EDIL3: variants seen among roughly 807,000 people sequenced by gnomAD.
The protein encoded by EDIL3 is EGF-like repeat and discoidin I-like domain-containing protein 3.
A neutral mutation model predicts 67.4 loss-of-function variants in EDIL3; 37 were observed. The observed-to-expected ratio is 0.55, with a 90% CI of 0.42 to 0.72. EDIL3 has a LOEUF of 0.72. Ranked by LOEUF, EDIL3 falls within the 30% of genes least tolerant of loss-of-function variation. EDIL3 has a pLI of 0.00. For synonymous variants in EDIL3, 195 were observed against 196.3 expected (o/e 0.99, Z 0.05); for missense variants, 527 against 586.3 (o/e 0.90, Z 1.04).
chr5:84,340,321 G>C (rs1747074694), intron 1 of EDIL3, among the ~76,000 whole-genome samples: 1 of 151,576 alleles, frequency 6.6e-6, no homozygotes, highest in Non-Finnish European at 1.5e-5. Context: ...CTGCTACCTT[G>C]AAAAGTTATT....
At chr5:84,372,682 A>G (rs1257183934) in intron 1 of EDIL3, among the ~76,000 whole-genome samples, 1 of 152,154 alleles carries the variant, frequency 6.6e-6, no homozygotes, top group Non-Finnish European at 1.5e-5. Context: ...ATTTGGATCT[A>G]TAAGACCTAG....
intron 9 of EDIL3, among the ~76,000 whole-genome samples, chr5:83,969,634 C>T (rs1037361109): frequency 9.2e-5 from 14 of 151,922 alleles, no homozygotes; most frequent in Non-Finnish European, 2.1e-4. Context: ...AAGAACCTGG[C>T]ATTTGAAATG....
At chr5:84,322,062 GATATA>G (rs900614179) in intron 1 of EDIL3, among the ~76,000 whole-genome samples, 21 of 150,890 alleles carry the variant, frequency 1.4e-4, no homozygotes, top group Non-Finnish European at 3.0e-5. Context: ...CAATAATAAT[GATATA>G]ATAATAATAA....
chr5:84,273,835 AT>A (rs1478533606), intron 1 of EDIL3, among the ~76,000 whole-genome samples: 2 of 152,106 alleles, frequency 1.3e-5, no homozygotes, highest in Non-Finnish European at 2.9e-5. Flanking sequence ...ATCTCCTTGT[AT>A]TTCTATACCT....
chr5:83,994,444 C>CA lies in EDIL3; in HGVS notation c.1138-31085dup, dbSNP rs3216693. Among the ~76,000 whole-genome samples, 496 of 145,128 alleles carry CA rather than the reference C, an allele frequency of 3.4e-3. 1 individual carries two copies. Among genetic ancestry groups the CA allele is most frequent in the African/African-American group, 0.01 (415 of 40,080 alleles). ...CTACTATGTAAAGGTTTTTATTTAG[C>CA]AAAAAAAAAAATTGCTTTTTCAAAA... On this transcript the variant is annotated intron_variant, in intron 9 of 10. Coordinates refer to ENST00000296591, the MANE Select transcript of EDIL3 (RefSeq NM_005711.5).
chr5:84,320,964 TA>T (rs1309056683), intron 1 of EDIL3, among the ~76,000 whole-genome samples: 5 of 152,320 alleles, frequency 3.3e-5, no homozygotes, highest in African/African-American at 1.2e-4. Context: ...GAATTTTGTT[TA>T]TAAATAATTA....
intron 2 of EDIL3, among the ~76,000 whole-genome samples, chr5:84,233,115 G>T (rs1744614663): frequency 6.6e-6 from 1 of 152,078 alleles, no homozygotes; most frequent in Non-Finnish European, 1.5e-5. Context: ...CAACAAATAA[G>T]TGTATTGCTC....
At position 83,993,666 on chromosome 5, in the gene EDIL3, T is replaced by C. The variant is rs529723144; in HGVS notation, c.1138-30306A>G. Among the ~76,000 whole-genome samples the C allele has an allele frequency of 2.2e-4, 34 of 152,322 alleles. No individual in the cohort carries two copies. The South Asian group carries it at 6.2e-3, about 28-fold the overall frequency. On this transcript the variant is annotated intron_variant, in intron 9 of 10. Coordinates refer to ENST00000296591, the MANE Select transcript of EDIL3 (RefSeq NM_005711.5). ...GTCTCCCTACCACAAGATACCCTTC[T>C]TAAATTCTAAACCGGTGGTATTTGA...
At chr5:84,307,872 T>A (rs926478082) in intron 1 of EDIL3, among the ~76,000 whole-genome samples, 3 of 151,968 alleles carry the variant, frequency 2.0e-5, no homozygotes, top group African/African-American at 7.3e-5. Context: ...GGGAGGCAAA[T>A]TTGGGTTTGA....
At chr5:84,327,220 C>T (rs941716361) in intron 1 of EDIL3, among the ~76,000 whole-genome samples, 1 of 151,896 alleles carries the variant, frequency 6.6e-6, no homozygotes. Flanking sequence ...ATGCTTTATT[C>T]ATCCTTACTA....
chr5:84,190,547 A>ATGTGTG (rs1326799356), intron 3 of EDIL3, among the ~76,000 whole-genome samples: 5 of 62,236 alleles, frequency 8.0e-5, no homozygotes, highest in African/African-American at 2.7e-4. Context: ...ATATATATAT[A>ATGTGTG]TATATGTGTG....
At chr5:84,114,071 C>A (rs975365022) in intron 5 of EDIL3, among the ~76,000 whole-genome samples, 4 of 151,504 alleles carry the variant, frequency 2.6e-5, no homozygotes, top group African/African-American at 9.7e-5. Flanking sequence ...GTCTTGAGAC[C>A]AGGCTTTAAT....
intron 4 of EDIL3, among the ~76,000 whole-genome samples, chr5:84,151,906 T>TGC (rs1478443443): frequency 9.5e-5 from 14 of 147,056 alleles, no homozygotes; most frequent in African/African-American, 3.5e-4. Flanking sequence ...TCTTTGCTGC[T>TGC]TCTTTTTTTT....
intron 1 of EDIL3, among the ~76,000 whole-genome samples, chr5:84,293,779 G>T (rs1366323304): frequency 7.1e-6 from 1 of 140,930 alleles, no homozygotes; most frequent in Non-Finnish European, 1.6e-5. Flanking sequence ...GATTAAGACT[G>T]TTTTTTTTTT....
intron 10 of EDIL3, among the ~76,000 whole-genome samples, chr5:83,948,451 G>A (rs1040784368): frequency 2.6e-5 from 4 of 151,554 alleles, no homozygotes; most frequent in Admixed American, 6.6e-5. Flanking sequence ...CATGAATCAC[G>A]TCAAACATAA....
At chr5:83,992,815 T>G (rs1446848208) in intron 9 of EDIL3, among the ~76,000 whole-genome samples, 42 of 151,976 alleles carry the variant, frequency 2.8e-4, no homozygotes, top group Admixed American at 2.8e-3. Flanking sequence ...TGTATTATAG[T>G]CTGAGAGTTA....
intron 9 of EDIL3, among the ~76,000 whole-genome samples, chr5:84,045,209 G>T (rs1303723347): frequency 2.6e-5 from 4 of 152,030 alleles, no homozygotes; most frequent in Non-Finnish European, 5.9e-5. Context: ...CTCCCTCTAG[G>T]TCCCTCCCAC....
intron 3 of EDIL3, among the ~76,000 whole-genome samples, chr5:84,219,804 A>T (rs1425846212): frequency 6.6e-6 from 1 of 152,196 alleles, no homozygotes; most frequent in African/African-American, 2.4e-5. Context: ...AGATCCTGTC[A>T]TTTGCAATAA....
At chr5:84,339,192 T>C (rs1400969971) in intron 1 of EDIL3, among the ~76,000 whole-genome samples, 1 of 152,158 alleles carries the variant, frequency 6.6e-6, no homozygotes, top group African/African-American at 2.4e-5. Context: ...CTGTGTGACA[T>C]TGGGAAATTT....
Sources: gnomAD v4.1 joint callset for allele counts (sites outside exome capture counted in the v4.1 genomes callset) on GRCh38, gnomAD v4.1.1 for gene constraint, MANE v1.5 for transcripts, NCBI Gene and HGNC (gene_info 2026-07-23, HGNC 2026-07-21) for gene names.